Variants in ZNF536 observed in about 807,000 individuals in gnomAD.
ZNF536 encodes the protein zinc finger protein 536.
A neutral mutation model predicts 84.5 loss-of-function variants in ZNF536; 13 were observed. The ratio of observed to expected loss-of-function variants is 0.15; its 90% CI spans 0.10 to 0.24. The LOEUF (loss-of-function observed/expected upper bound fraction) is 0.24. Among genes scored for constraint, ZNF536 ranks in the 10% least tolerant of loss-of-function variants. The pLI is 1.00. For synonymous variants in ZNF536, 811 were observed against 742.5 expected (o/e 1.09, Z -1.50); for missense variants, 1,536 against 1,747.5 (o/e 0.88, Z 2.16).
At chr19:30,532,066 A>C (rs1238521440) in intron 2 of ZNF536, among the ~76,000 whole-genome samples, 1 of 151,970 alleles carries the variant, frequency 6.6e-6, no homozygotes, top group Non-Finnish European at 1.5e-5. Context: ...CCTCTGGAAG[A>C]AGCTTTATGG....
At chr19:30,246,661 AG>A (rs551281221) in intron 1 of ZNF536, among the ~76,000 whole-genome samples, 18 of 152,350 alleles carry the variant, frequency 1.2e-4, no homozygotes, top group African/African-American at 4.3e-4. Context: ...AATGAGTAAC[AG>A]AAGTGAATGA....
chr19:30,451,978 G>A (rs1467016283), intron 2 of ZNF536, among the ~76,000 whole-genome samples: 1 of 152,262 alleles, frequency 6.6e-6, no homozygotes, highest in African/African-American at 2.4e-5. Context: ...CATTAGCTGC[G>A]TGATTTCCAT....
intron 2 of ZNF536, among the ~76,000 whole-genome samples, chr19:30,472,309 C>G (rs547685650): frequency 3.3e-5 from 5 of 152,286 alleles, no homozygotes; most frequent in Non-Finnish European, 7.3e-5. Flanking sequence ...TCCAGGAGTA[C>G]CTGCGGAAGA....
intron 3 of ZNF536, among the ~76,000 whole-genome samples, chr19:30,541,397 GA>G (rs34866942): frequency 0.19 from 25,835 of 137,052 alleles, 2,375 homozygotes; most frequent in African/African-American, 0.21. Flanking sequence ...GAGTAATGAT[GA>G]AAAAAAAAAA....
At chr19:30,622,117 T>C (rs1174588752) in intron 1 of ZNF536, among the ~76,000 whole-genome samples, 1 of 152,236 alleles carries the variant, frequency 6.6e-6, no homozygotes, top group African/African-American at 2.4e-5. Context: ...GTTATTTCCA[T>C]TGGCTTTCAA....
intron 1 of ZNF536, among the ~76,000 whole-genome samples, chr19:30,582,110 G>A (rs189404118): frequency 1.2e-4 from 18 of 152,270 alleles, no homozygotes; most frequent in African/African-American, 4.3e-4. Context: ...CATGTTGTTG[G>A]TAGCAAAGAC....
At chr19:30,542,754 G>C (rs1280581439) in intron 3 of ZNF536, among the ~76,000 whole-genome samples, 3 of 152,158 alleles carry the variant, frequency 2.0e-5, no homozygotes, top group African/African-American at 7.2e-5. Flanking sequence ...GAAAAGTTTT[G>C]AGATAGGTAC....
At chr19:30,667,505 T>G (rs868227942) in intron 1 of ZNF536, among the ~76,000 whole-genome samples, 12 of 152,134 alleles carry the variant, frequency 7.9e-5, no homozygotes, top group African/African-American at 2.7e-4. Context: ...AGGTGGGTGG[T>G]TAGGAGACCT....
At position 30,548,806 on chromosome 19, in the gene ZNF536, C is replaced by G. The variant is rs2146219358; in HGVS notation, c.3187C>G (p.Leu1063Val). 1 of 1,614,016 alleles carries G rather than the reference C, an allele frequency of 6.2e-7. No individual in the cohort carries two copies. The highest frequency in any genetic ancestry group is 8.5e-7 in the Non-Finnish European group (1 of 1,180,022). Residue 1063 changes from leucine to valine, a missense_variant, in exon 4 of 5, where the codon CTG (leucine) becomes GTG (valine). By Grantham distance (32) the Leu-to-Val change is conservative. Transcript: ENST00000355537. ...LLPSLQSNKD[L>V]GLSNMISSLD... is the part of the protein sequence containing the mutation. ...GCCCTCGTTACAATCAAACAAAGAC[C>G]TGGGCCTCTCCAATATGATCAGCTC...
intron 1 of ZNF536, among the ~76,000 whole-genome samples, chr19:30,569,112 T>C (rs2046449224): frequency 6.6e-6 from 1 of 152,218 alleles, no homozygotes; most frequent in Admixed American, 6.5e-5. Context: ...GCAAAGCCCC[T>C]GGAGTGCTCA....
rs533745029 is a variant in ZNF536 at position 30,528,171 on chromosome 19, C to T, written c.2171-6676C>T. ...CACAGAGTTAGTCACCTTACCCATG[C>T]GTGCTTGCTGGGGTAACTCTCCAGT... On this transcript the variant is annotated intron_variant, in intron 2 of 4. Coordinates refer to ENST00000355537, the MANE Select transcript of ZNF536 (RefSeq NM_014717.3). Among the ~76,000 whole-genome samples, 29 of 152,232 alleles carry T rather than the reference C, an allele frequency of 1.9e-4. 1 individual carries two copies. The highest frequency in any genetic ancestry group is 3.9e-4 in the East Asian group (2 of 5,184).
chr19:30,421,022 C>T (rs916792957), intron 1 of ZNF536, among the ~76,000 whole-genome samples: 4 of 152,022 alleles, frequency 2.6e-5, no homozygotes, highest in African/African-American at 9.7e-5. Flanking sequence ...CTCTTCTTTC[C>T]CGTGGCTTTG....
intron 1 of ZNF536, among the ~76,000 whole-genome samples, chr19:30,608,222 G>A (rs2047965783): frequency 6.6e-6 from 1 of 152,214 alleles, no homozygotes; most frequent in Admixed American, 6.5e-5. Context: ...AGACCAGAAT[G>A]AATCTTGAAA....
At chr19:30,567,358 C>A (rs1022847373) in intron 1 of ZNF536, among the ~76,000 whole-genome samples, 1 of 152,158 alleles carries the variant, frequency 6.6e-6, no homozygotes, top group Non-Finnish European at 1.5e-5. Context: ...TGGCTTTGAA[C>A]CTGCCACGTG....
chr19:30,398,315 T>C (rs2049904567), intron 1 of ZNF536, among the ~76,000 whole-genome samples: 1 of 152,176 alleles, frequency 6.6e-6, no homozygotes, highest in Admixed American at 6.5e-5. Flanking sequence ...ATCTGTTTAA[T>C]TTTCTCAATT....
chr19:30,527,726 A>G (rs1482765956), intron 2 of ZNF536, among the ~76,000 whole-genome samples: 2 of 152,156 alleles, frequency 1.3e-5, no homozygotes, highest in African/African-American at 4.8e-5. Flanking sequence ...AAAAAATAAA[A>G]GGGCCAGTTG....
intron 1 of ZNF536, among the ~76,000 whole-genome samples, chr19:30,421,773 G>GC (rs1226758858): frequency 6.6e-6 from 1 of 152,142 alleles, no homozygotes; most frequent in Admixed American, 6.5e-5. Flanking sequence ...GCCCCTTCCA[G>GC]CCCCCAGTGT....
At chr19:30,299,472 C>A (rs528268014) in intron 2 of ZNF536, among the ~76,000 whole-genome samples, 2 of 152,180 alleles carry the variant, frequency 1.3e-5, no homozygotes, top group South Asian at 4.2e-4. Flanking sequence ...AAATAGGCTG[C>A]CTGTGAGGGT....
chr19:30,366,580 TTGTCTATC>T (rs1304463928), intron 3 of ZNF536, among the ~76,000 whole-genome samples: 3 of 140,220 alleles, frequency 2.1e-5, no homozygotes, highest in African/African-American at 7.9e-5. Context: ...GATCTATCAT[TTGTCTATC>T]TATCTATCTA....
Sources: gnomAD v4.1 joint callset for allele counts (sites outside exome capture counted in the v4.1 genomes callset) on GRCh38, gnomAD v4.1.1 for gene constraint, MANE v1.5 for transcripts, NCBI Gene and HGNC (gene_info 2026-07-23, HGNC 2026-07-21) for gene names.